The following CREBRF variants were observed in gnomAD, a reference collection of about 807,000 sequenced individuals.
CREBRF encodes CREB3 regulatory factor, also known as UPF0474 protein C5orf41.
Under a neutral mutation model 66.1 loss-of-function variants are expected in CREBRF, and 5 were observed. The ratio of observed to expected loss-of-function variants is 0.08; its 90% CI spans 0.04 to 0.16. The LOEUF (loss-of-function observed/expected upper bound fraction) is 0.16, where lower values mean the gene tolerates loss of function less well. Ranked by LOEUF, CREBRF falls within the 10% of genes least tolerant of loss-of-function variation. The pLI is 1.00. For synonymous variants in CREBRF, 229 were observed against 264.4 expected, an observed-to-expected ratio of 0.87 and a Z score of 1.30; for missense variants, 531 against 744.9, an observed-to-expected ratio of 0.71 and a Z score of 3.34.
At chr5:173,127,554 G>C (rs916660274) in intron 8 of CREBRF, among the ~76,000 whole-genome samples, 9 of 150,880 alleles carry the variant, frequency 6.0e-5, no homozygotes, top group Non-Finnish European at 1.0e-4. Context: ...CTGCCTCCCA[G>C]ATTCAAGCGA....
intron 8 of CREBRF, among the ~76,000 whole-genome samples, chr5:173,126,666 G>A (rs1759282818): frequency 6.6e-6 from 1 of 152,126 alleles, no homozygotes; most frequent in South Asian, 2.1e-4. Flanking sequence ...TTCGCTATAT[G>A]GAAATTTTTT....
chr5:173,059,516 G>C (rs1254225382), intron 1 of CREBRF, among the ~76,000 whole-genome samples: 2 of 151,406 alleles, frequency 1.3e-5, no homozygotes, highest in African/African-American at 2.4e-5. Context: ...TGCCTGCCTT[G>C]GCCTCCCAAA....
chr5:173,070,264 A>C (rs1757558510), intron 1 of CREBRF, among the ~76,000 whole-genome samples: 1 of 152,108 alleles, frequency 6.6e-6, no homozygotes. Context: ...CAGTGTGTGA[A>C]GAATGTGTGG....
intron 4 of CREBRF, 198 bp downstream of exon 4, chr5:173,091,599 TC>T: frequency 3.8e-6 from 5 of 1,309,146 alleles, no homozygotes; most frequent in Non-Finnish European, 4.9e-6. Flanking sequence ...ACATAGGGAT[TC>T]ATAAGCTGAT....
intron 5 of CREBRF, 38 bp from the exon 6 acceptor site, chr5:173,110,484 A>T (rs1182967304): frequency 1.6e-5 from 23 of 1,462,476 alleles, no homozygotes; most frequent in Non-Finnish European, 2.2e-5. Context: ...TTGTTAATTA[A>T]AGTGATCTGA....
chr5:173,069,104 T>A lies in CREBRF; in HGVS notation c.-191-11481T>A, dbSNP rs138078240. 6.6e-3 allele frequency among the ~76,000 whole-genome samples: 1,000 copies of A among 151,940 alleles called. 14 individuals carry two copies. The highest frequency in any genetic ancestry group is 7.6e-3 in the Non-Finnish European group (514 of 67,972). ...AAAAAAAAAGAAAAGGATTCTGAGT[T>A]GAGTTTGGTTTTATACCTTAATAGC... On this transcript the variant is annotated intron_variant, in intron 1 of 8. Transcript: ENST00000296953.
At chr5:173,117,580 T>G in intron 7 of CREBRF, among the ~76,000 whole-genome samples, 1 of 33,844 alleles carries the variant, frequency 3.0e-5, no homozygotes, top group Admixed American at 3.7e-4. Context: ...CCTCCCTCCC[T>G]CCTTCCTTCC....
intron 1 of CREBRF, among the ~76,000 whole-genome samples, chr5:173,068,933 G>T (rs968705493): frequency 6.6e-6 from 1 of 151,970 alleles, no homozygotes; most frequent in Non-Finnish European, 1.5e-5. Context: ...TTAGCTGAGC[G>T]TGGTGGCGTG....
intron 8 of CREBRF, among the ~76,000 whole-genome samples, chr5:173,127,979 T>G (rs1289946945): frequency 6.6e-6 from 1 of 152,188 alleles, no homozygotes; most frequent in East Asian, 1.9e-4. Flanking sequence ...ATTTCTTGAT[T>G]CATTATAGGT....
At chr5:173,128,890 C>T (rs1759337499) in intron 8 of CREBRF, among the ~76,000 whole-genome samples, 1 of 151,156 alleles carries the variant, frequency 6.6e-6, no homozygotes, top group Non-Finnish European at 1.5e-5. Context: ...ACACCATTCT[C>T]CTGCCTCAGC....
At chr5:173,104,598 T>A (rs1758704808) in intron 4 of CREBRF, among the ~76,000 whole-genome samples, 1 of 152,054 alleles carries the variant, frequency 6.6e-6, no homozygotes, top group African/African-American at 2.4e-5. Context: ...GAGGATTGCT[T>A]GAGCCGGGGA....
At chr5:173,065,673 T>C (rs1036604981) in intron 1 of CREBRF, among the ~76,000 whole-genome samples, 2 of 150,764 alleles carry the variant, frequency 1.3e-5, no homozygotes, top group Non-Finnish European at 3.0e-5. Flanking sequence ...TTCTTCTTTT[T>C]TTTTTTTTTT....
At chr5:173,074,955 G>T (rs934587297) in intron 1 of CREBRF, among the ~76,000 whole-genome samples, 3 of 152,122 alleles carry the variant, frequency 2.0e-5, no homozygotes, top group Non-Finnish European at 2.9e-5. Flanking sequence ...CGAATGTGAG[G>T]ATAAAAGACT....
At chr5:173,083,723 G>A (rs1431866758) in intron 2 of CREBRF, among the ~76,000 whole-genome samples, 1 of 152,184 alleles carries the variant, frequency 6.6e-6, no homozygotes, top group African/African-American at 2.4e-5. Flanking sequence ...TTAAAATAGT[G>A]TTGTTAGACA....
intron 1 of CREBRF, among the ~76,000 whole-genome samples, chr5:173,068,907 G>GAA (rs761306299): frequency 2.2e-5 from 3 of 137,954 alleles, no homozygotes; most frequent in Non-Finnish European, 3.2e-5. Flanking sequence ...CATCAGTACT[G>GAA]AAAAAAAAAA....
At chr5:173,082,997 C>G (rs1758012682) in intron 2 of CREBRF, among the ~76,000 whole-genome samples, 1 of 138,968 alleles carries the variant, frequency 7.2e-6, no homozygotes, top group Non-Finnish European at 1.5e-5. Context: ...GAGGCTGAGA[C>G]AGGCTGATCA....
At chr5:173,082,819 G>T (rs975285355) in intron 2 of CREBRF, among the ~76,000 whole-genome samples, 1 of 146,342 alleles carries the variant, frequency 6.8e-6, no homozygotes, top group Non-Finnish European at 1.5e-5. Context: ...TGAGGCGGGA[G>T]AATCGCATGA....
intron 1 of CREBRF, among the ~76,000 whole-genome samples, chr5:173,063,273 ACT>A (rs1489608858): frequency 7.9e-5 from 12 of 151,880 alleles, no homozygotes; most frequent in Admixed American, 5.9e-4. Context: ...ATCATCCTAC[ACT>A]CTGTCCTTTC....
At chr5:173,101,896 C>G (rs1012387556) in intron 4 of CREBRF, among the ~76,000 whole-genome samples, 6 of 152,126 alleles carry the variant, frequency 3.9e-5, no homozygotes, top group Non-Finnish European at 8.8e-5. Flanking sequence ...TCTTTCTTTA[C>G]TCTTTTCACT....
Sources: allele counts gnomAD v4.1 joint callset (sites outside exome capture counted in the v4.1 genomes callset), GRCh38; gene constraint gnomAD v4.1.1; transcripts MANE v1.5; gene names NCBI Gene and HGNC (gene_info 2026-07-23, HGNC 2026-07-21).